Variants in ALDH1L1 observed in about 807,000 individuals in gnomAD.
ALDH1L1 encodes cytosolic 10-formyltetrahydrofolate dehydrogenase.
ALDH1L1 carries 68 observed loss-of-function variants against 101.1 expected under a neutral mutation model. The ratio of observed to expected loss-of-function variants is 0.67; its 90% CI spans 0.55 to 0.82. The LOEUF (loss-of-function observed/expected upper bound fraction) is 0.82. Among genes scored for constraint, ALDH1L1 ranks in the 40% least tolerant of loss-of-function variants. ALDH1L1 has a pLI of 0.00. For missense variants in ALDH1L1, 1,087 were observed against 1,172.7 expected (o/e 0.93, Z 1.07); for synonymous variants, 486 against 470.8 (o/e 1.03, Z -0.42).
chr3:126,130,668 G>A (rs774098005), intron 13 of ALDH1L1, among the ~76,000 whole-genome samples: 10 of 152,226 alleles, frequency 6.6e-5, no homozygotes, highest in Non-Finnish European at 1.2e-4. Context: ...ACACAGCTGC[G>A]GAGTAGGGGC....
chr3:126,181,139 A>G, upstream of ALDH1L1: 2 of 782,478 alleles, frequency 2.6e-6, no homozygotes, highest in Admixed American at 2.1e-5. Context: ...TCTCTCTGCA[A>G]TTCCCCTTCT....
chr3:126,174,485 C>T (rs2081337561), intron 1 of ALDH1L1, among the ~76,000 whole-genome samples: 1 of 152,186 alleles, frequency 6.6e-6, no homozygotes, highest in African/African-American at 2.4e-5. Context: ...GAATATTCAT[C>T]AAGACAGACC....
At chr3:126,164,672 G>A (rs78526510) in intron 1 of ALDH1L1, among the ~76,000 whole-genome samples, 4 of 152,330 alleles carry the variant, frequency 2.6e-5, no homozygotes, top group South Asian at 2.1e-4. Flanking sequence ...ATAGTCCAAC[G>A]ACGAACATAC....
intron 1 of ALDH1L1, among the ~76,000 whole-genome samples, chr3:126,190,238 A>G (rs1213452785): frequency 6.6e-6 from 1 of 152,194 alleles, no homozygotes; most frequent in Non-Finnish European, 1.5e-5. Flanking sequence ...AAATATTCAA[A>G]TGGTTCATCA....
intron 16 of ALDH1L1, among the ~76,000 whole-genome samples, chr3:126,122,163 AC>A (rs1274951588): frequency 6.6e-6 from 1 of 152,186 alleles, no homozygotes; most frequent in Non-Finnish European, 1.5e-5. Context: ...TTGTTAGCAG[AC>A]CCACCTTACA....
intron 9 of ALDH1L1, among the ~76,000 whole-genome samples, chr3:126,140,114 C>G (rs775148907): frequency 5.3e-5 from 8 of 152,136 alleles, no homozygotes; most frequent in Non-Finnish European, 1.0e-4. Context: ...ACATTACACC[C>G]AGCTTGTTGA....
At chr3:126,172,243 A>G (rs1275386578) in intron 1 of ALDH1L1, among the ~76,000 whole-genome samples, 1 of 152,232 alleles carries the variant, frequency 6.6e-6, no homozygotes, top group East Asian at 1.9e-4. Context: ...CACCTAAACC[A>G]CAATCAGATA....
At chr3:126,162,672 T>A (rs576302466) in intron 1 of ALDH1L1, among the ~76,000 whole-genome samples, 1 of 152,348 alleles carries the variant, frequency 6.6e-6, no homozygotes, top group South Asian at 2.1e-4. Context: ...TGTCTTTTGA[T>A]GAACAGATGT....
intron 20 of ALDH1L1, among the ~76,000 whole-genome samples, chr3:126,109,559 T>C (rs759829642): frequency 1.3e-4 from 20 of 151,910 alleles, no homozygotes; most frequent in Admixed American, 4.6e-4. Context: ...AAGCTAAGGA[T>C]AGGCAGGGAT....
chr3:126,181,945 C>A (rs78165446), upstream of ALDH1L1, among the ~76,000 whole-genome samples: 1,779 of 152,306 alleles, frequency 0.012, 39 homozygotes, highest in African/African-American at 0.041. Flanking sequence ...TCCCTCATAT[C>A]TGTGGAACTT....
chr3:126,179,103 G>A (rs1161879470), intron 1 of ALDH1L1, among the ~76,000 whole-genome samples: 1 of 152,194 alleles, frequency 6.6e-6, no homozygotes. Context: ...AGAAAGAGCA[G>A]GGGCCTGCAG....
Position 126,125,660 on chromosome 3 carries a change from C to CA in ALDH1L1, c.1755dup (p.Ala586CysfsTer39), listed in dbSNP as rs2080167699. 6.2e-7 allele frequency: 1 copy of CA among 1,600,470 alleles called. No homozygotes were observed. Among genetic ancestry groups the CA allele is most frequent in the African/African-American group, 1.3e-5 (1 of 74,556 alleles). Reference sequence around the variant, plus strand: ...ACTGTGTTCCCGGCAGCCAGGCAGGCAGCTGTCTTCCAGGACAGCATCATC... The same window carrying CA: ...ACTGTGTTCCCGGCAGCCAGGCAGGCAAGCTGTCTTCCAGGACAGCATCATC... On this transcript the variant is annotated frameshift_variant, in exon 15 of 23. Coordinates refer to ENST00000393434, the MANE Select transcript of ALDH1L1 (RefSeq NM_012190.4). LOFTEE classifies it high-confidence loss of function.
At chr3:126,104,000 T>TA (rs1480371062) in intron 22 of ALDH1L1, 154 bp from the exon 23 acceptor site, 2 of 771,692 alleles carry the variant, frequency 2.6e-6, no homozygotes, top group Admixed American at 4.5e-5. Flanking sequence ...TCATGAATCT[T>TA]ACCCAGGTTA....
chr3:126,158,559 C>G lies in ALDH1L1; in HGVS notation c.208G>C (p.Val70Leu). The G allele has an allele frequency of 6.2e-7, 1 of 1,614,226 alleles. No individual in the cohort carries two copies. Among genetic ancestry groups the G allele is most frequent in the Non-Finnish European group, 8.5e-7 (1 of 1,180,034 alleles). The change falls in exon 3 of 23, where the codon GTG becomes CTG. Residue 70 changes from valine to leucine, a missense_variant. By Grantham distance (32) the Val-to-Leu change is conservative. This residue lies in a region of ALDH1L1 where 645 missense variants were observed against 637.0 expected (regional missense o/e 1.01). Transcript: ENST00000393434. ...GCCCCCAAAGCCTGGTATTTTGCCA[C>G]CACATCAGGCAAAGCCTGTCCTTTT... ...RAKGQALPDV[V>L]AKYQALGAEL...
At chr3:126,110,301 G>T in intron 19 of ALDH1L1, 192 bp from the exon 20 acceptor site, 1 of 679,064 alleles carries the variant, frequency 1.5e-6, no homozygotes, top group South Asian at 2.0e-5. Context: ...TGTGTAGAGG[G>T]ACAGAAGTCT....
chr3:126,134,250 G>A lies in ALDH1L1; in HGVS notation c.1472+1285C>T, dbSNP rs931251305. ...CCTGAGAGTTTGCATAGGACAGGAAGGGGTCCACTTACAGCTGCCCAGGGT... is the reference window on the plus strand; with the variant it reads ...CCTGAGAGTTTGCATAGGACAGGAAAGGGTCCACTTACAGCTGCCCAGGGT... On this transcript the variant is annotated intron_variant, in intron 12 of 22. Coordinates refer to ENST00000393434, the MANE Select transcript of ALDH1L1 (RefSeq NM_012190.4). 2.6e-5 allele frequency among the ~76,000 whole-genome samples: 4 copies of A among 151,988 alleles called. No homozygotes were observed. In the East Asian group the frequency reaches 7.7e-4, roughly 29 times the overall value.
intron 21 of ALDH1L1, among the ~76,000 whole-genome samples, chr3:126,106,750 T>C (rs1291480750): frequency 2.0e-5 from 3 of 152,214 alleles, no homozygotes; most frequent in African/African-American, 7.2e-5. Flanking sequence ...GGAGCAGAGA[T>C]GGGTTTGCCT....
chr3:126,119,076 G>A (rs550039983), intron 16 of ALDH1L1, among the ~76,000 whole-genome samples: 22 of 152,156 alleles, frequency 1.4e-4, no homozygotes, highest in Non-Finnish European at 2.1e-4. Flanking sequence ...CTTCTCTGAC[G>A]GCTCTTTTTC....
intron 8 of ALDH1L1, among the ~76,000 whole-genome samples, chr3:126,149,660 A>T (rs777190008): frequency 2.0e-5 from 3 of 152,200 alleles, no homozygotes; most frequent in Admixed American, 6.5e-5. Context: ...CTTGCCGCAC[A>T]TGTGCTGTTA....
Sources: allele counts gnomAD v4.1 joint callset (sites outside exome capture counted in the v4.1 genomes callset), GRCh38; gene constraint gnomAD v4.1.1; regional missense constraint gnomAD v4.1.1; transcripts MANE v1.5; gene names NCBI Gene and HGNC (gene_info 2026-07-23, HGNC 2026-07-21).